Variants in DPP6 observed in about 807,000 individuals in gnomAD.
The protein encoded by DPP6 is dipeptidyl peptidase like 6, also known as A-type potassium channel modulatory protein DPP6.
In DPP6, 69 loss-of-function variants were observed where a neutral mutation model predicts 122.6. That is an observed-to-expected ratio of 0.56 (90% CI 0.46 to 0.69). DPP6 has a LOEUF of 0.69. Ranked by LOEUF, DPP6 falls within the 30% of genes least tolerant of loss-of-function variation. The pLI is 0.00. For missense variants in DPP6, 928 were observed against 1,116.9 expected, an observed-to-expected ratio of 0.83 and a Z score of 2.41; for synonymous variants, 418 against 433.1, an observed-to-expected ratio of 0.97 and a Z score of 0.43.
At chr7:154,860,319 T>TGTCA (rs1377319331) in intron 17 of DPP6, among the ~76,000 whole-genome samples, 1 of 152,144 alleles carries the variant, frequency 6.6e-6, no homozygotes, top group African/African-American at 2.4e-5. Flanking sequence ...AGGGCCCACA[T>TGTCA]GTCACTGTCA....
At chr7:154,041,839 A>G (rs1799782522) in intron 1 of DPP6, among the ~76,000 whole-genome samples, 2 of 151,726 alleles carry the variant, frequency 1.3e-5, no homozygotes, top group African/African-American at 4.8e-5. Flanking sequence ...GCTCACTGCA[A>G]CCTCTGACTC....
At chr7:154,831,431 T>C (rs917087513) in intron 16 of DPP6, among the ~76,000 whole-genome samples, 2 of 152,212 alleles carry the variant, frequency 1.3e-5, no homozygotes, top group Admixed American at 6.5e-5. Context: ...AACTCTTTAT[T>C]GCAAAAGTTT....
intron 1 of DPP6, among the ~76,000 whole-genome samples, chr7:154,065,361 G>A (rs1802628680): frequency 1.4e-5 from 2 of 141,288 alleles, no homozygotes; most frequent in Non-Finnish European, 3.0e-5. Flanking sequence ...GGCCCTGGGA[G>A]CAAGCAGGGA....
At chr7:154,045,129 C>T (rs973808483) in intron 1 of DPP6, among the ~76,000 whole-genome samples, 1 of 150,684 alleles carries the variant, frequency 6.6e-6, no homozygotes, top group Non-Finnish European at 1.5e-5. Context: ...GGCGAAACAG[C>T]ATCTGAAAAT....
chr7:154,875,170 G>A lies in DPP6; in HGVS notation c.1884-736G>A, dbSNP rs538364162. Among the ~76,000 whole-genome samples, 24 of 151,980 alleles carry A rather than the reference G, an allele frequency of 1.6e-4. No individual in the cohort carries two copies. The highest frequency in any genetic ancestry group is 1.0e-3 in the Admixed American group (16 of 15,272). On this transcript the variant is annotated intron_variant, in intron 19 of 25. Coordinates refer to ENST00000377770, the MANE Select transcript of DPP6 (RefSeq NM_130797.4). The surrounding 1 kb of genome is among the most constrained non-coding windows in gnomAD (Gnocchi z 4.5). The stretch of plus-strand genomic sequence containing the variant: ...GAAGGAAAGAAGGAGGGGAGGGAGG[G>A]AGGAAGGGAGGGAACAGCCCTGTTT...
intron 1 of DPP6, among the ~76,000 whole-genome samples, chr7:154,345,022 C>T (rs374556574): frequency 1.3e-5 from 2 of 152,182 alleles, no homozygotes; most frequent in African/African-American, 2.4e-5. Flanking sequence ...CGGCAAATAT[C>T]GCTGGTACCG....
At chr7:154,829,388 A>C (rs548882909) in intron 16 of DPP6, among the ~76,000 whole-genome samples, 11 of 146,220 alleles carry the variant, frequency 7.5e-5, no homozygotes, top group African/African-American at 2.8e-4. Context: ...ATAAGAAAGA[A>C]AAAGGAAAGG....
chr7:154,879,588 CAA>C (rs778157355), intron 20 of DPP6, among the ~76,000 whole-genome samples: 1,079 of 41,554 alleles, frequency 0.026, 21 homozygotes, highest in African/African-American at 0.12. Context: ...GACTCCGTCT[CAA>C]AAAAAAAAAA....
intron 1 of DPP6, among the ~76,000 whole-genome samples, chr7:154,429,572 G>A (rs188825456): frequency 5.3e-5 from 8 of 152,240 alleles, no homozygotes; most frequent in East Asian, 3.9e-4. Flanking sequence ...TCGTGAACTC[G>A]GGAGGCAATC....
intron 5 of DPP6, among the ~76,000 whole-genome samples, chr7:154,613,351 GTGGCTCAC>G (rs1834025875): frequency 6.6e-6 from 1 of 152,140 alleles, no homozygotes; most frequent in East Asian, 1.9e-4. Context: ...GCTGGGTGCT[GTGGCTCAC>G]GTATAATCCC....
chr7:154,611,802 A>G (rs1369021012), intron 5 of DPP6, among the ~76,000 whole-genome samples: 2 of 151,780 alleles, frequency 1.3e-5, no homozygotes, highest in Non-Finnish European at 1.5e-5. Flanking sequence ...TATCAAAACC[A>G]AGATGTTGAC....
intron 1 of DPP6, among the ~76,000 whole-genome samples, chr7:154,201,085 T>G (rs1799147201): frequency 6.6e-6 from 1 of 152,134 alleles, no homozygotes; most frequent in South Asian, 2.1e-4. Flanking sequence ...AGATACAAAC[T>G]TGCATTATAG....
chr7:153,860,931 G>A, the DPP6 span, among the ~76,000 whole-genome samples: 3 of 152,138 alleles, frequency 2.0e-5, no homozygotes, highest in South Asian at 2.1e-4. Context: ...CTGTGCCTAC[G>A]AATATGTTAA....
chr7:154,496,497 A>G (rs1290122154), intron 3 of DPP6, among the ~76,000 whole-genome samples: 1 of 152,158 alleles, frequency 6.6e-6, no homozygotes, highest in Non-Finnish European at 1.5e-5. Flanking sequence ...CTGTGGGGTT[A>G]CTCCTCAATG....
rs1803065085 is a variant in DPP6 at position 154,070,850 on chromosome 7, T to A, written c.243+17787T>A. Among the ~76,000 whole-genome samples the A allele has an allele frequency of 2.0e-5, 3 of 152,300 alleles. No individual in the cohort carries two copies. The East Asian group carries it at 5.8e-4, about 29-fold the overall frequency. On this transcript the variant is annotated intron_variant, in intron 1 of 25. Coordinates refer to ENST00000377770, the MANE Select transcript of DPP6 (RefSeq NM_130797.4). Reference sequence around the variant, plus strand: ...AAACTCTGGAAATTGCCAGATGAACTGTATTATATAAAGATAGTATGGCAT... The same window carrying A: ...AAACTCTGGAAATTGCCAGATGAACAGTATTATATAAAGATAGTATGGCAT...
At chr7:153,808,264 CCT>C in the DPP6 span, among the ~76,000 whole-genome samples, 3 of 142,808 alleles carry the variant, frequency 2.1e-5, no homozygotes, top group Admixed American at 6.9e-5. Flanking sequence ...TGCGTGTGTG[CCT>C]GTGTGTGCGC....
intron 1 of DPP6, among the ~76,000 whole-genome samples, chr7:153,922,452 T>C (rs151078707): frequency 0.013 from 1,918 of 152,298 alleles, 38 homozygotes; most frequent in African/African-American, 0.041. Flanking sequence ...TGAGCCGTGG[T>C]AGCACCACTG....
At chr7:153,981,737 G>C (rs1796600742) in intron 1 of DPP6, among the ~76,000 whole-genome samples, 1 of 152,062 alleles carries the variant, frequency 6.6e-6, no homozygotes, top group Non-Finnish European at 1.5e-5. Flanking sequence ...GGGAAGGCCT[G>C]GTGGTGACAA....
At chr7:154,746,264 G>A (rs1843031736) in intron 8 of DPP6, among the ~76,000 whole-genome samples, 1 of 152,112 alleles carries the variant, frequency 6.6e-6, no homozygotes, top group South Asian at 2.1e-4. Context: ...AGAAGATTTA[G>A]GATTTCCCGC....
Sources: gnomAD v4.1 joint callset for allele counts (sites outside exome capture counted in the v4.1 genomes callset) on GRCh38, gnomAD v4.1.1 for gene constraint, Gnocchi (gnomAD v3.1) non-coding constraint, MANE v1.5 for transcripts, NCBI Gene and HGNC (gene_info 2026-07-23, HGNC 2026-07-21) for gene names.